The following ZC3H7B variants were observed in gnomAD, a reference collection of about 807,000 sequenced individuals.
ZC3H7B encodes zinc finger CCCH-type containing 7B.
Under a neutral mutation model 116.0 loss-of-function variants are expected in ZC3H7B, and 35 were observed. The ratio of observed to expected loss-of-function variants is 0.30; its 90% CI spans 0.23 to 0.40. The LOEUF is 0.40. Among genes scored for constraint, ZC3H7B ranks in the 10% least tolerant of loss-of-function variants. The pLI is 1.00. For missense variants in ZC3H7B, 1,011 were observed against 1,321.5 expected (o/e 0.77, Z 3.64); for synonymous variants, 502 against 545.6 (o/e 0.92, Z 1.11).
Position 41,343,552 on chromosome 22 carries a change from G to C in ZC3H7B, c.1435G>C (p.Val479Leu). The change falls in exon 13 of 23, where the codon GTG becomes CTG. Residue 479 changes from valine to leucine, a missense_variant. Around this residue, in one of 5 missense-constraint regions of ZC3H7B, gnomAD observed 179 missense variants for 178.5 expected, o/e 1.00. Coordinates refer to ENST00000352645, the MANE Select transcript of ZC3H7B (RefSeq NM_017590.6). The stretch of plus-strand genomic sequence containing the variant: ...GCCCCGGCCCACTAAGACCAGCTTC[G>C]TGGGCTCCTACTACCTGTGCAAAGG... The part of the protein sequence containing the change: ...IRPRPTKTSF[V>L]GSYYLCKDMI... 5 of 1,610,772 alleles carry C rather than the reference G, an allele frequency of 3.1e-6. No individual in the cohort carries two copies. The highest frequency in any genetic ancestry group is 4.2e-6 in the Non-Finnish European group (5 of 1,178,136).
rs1289682813 is a variant in ZC3H7B at position 41,356,030 on chromosome 22, G to A, written c.2351G>A (p.Arg784Lys). ...NCSFAHSPEE[R>K]DMWTFMKENK... ...TCCTTCGCACACAGCCCGGAGGAGA[G>A]GGACATGTGGACCTTCATGAAGGAG... is the stretch of plus-strand genomic sequence containing the variant. The change falls in exon 20 of 23, where the codon AGG becomes AAG. Residue 784 changes from arginine to lysine, a missense_variant. Transcript: ENST00000352645. 6.4e-7 allele frequency: 1 copy of A among 1,567,774 alleles called. No homozygotes were observed.
chr22:41,308,093 A>G (rs781256489), intron 1 of ZC3H7B, among the ~76,000 whole-genome samples: 5 of 152,154 alleles, frequency 3.3e-5, no homozygotes, highest in Middle Eastern at 3.2e-3. Context: ...TACCCAGTCC[A>G]CAATGTGACT....
rs781629611 is a variant in ZC3H7B at position 41,356,385 on chromosome 22, A to C, written c.2426A>C (p.His809Pro). ...QQTYDMWLKKHNPGKPGEGTP... is the reference protein window; with the variant it reads ...QQTYDMWLKKPNPGKPGEGTP... ...ACCTATGACATGTGGCTGAAAAAAC[A>C]CAACCCAGGAAAGCCTGGAGAAGGG... The change falls in exon 21 of 23, where the codon CAC becomes CCC. Residue 809 changes from histidine to proline, a missense_variant. Physicochemically the swap from His to Pro is moderately conservative, Grantham distance 77. This residue lies in a region of ZC3H7B where 406 missense variants were observed against 590.2 expected (regional missense o/e 0.69). Coordinates refer to ENST00000352645, the MANE Select transcript of ZC3H7B (RefSeq NM_017590.6). 6.2e-7 allele frequency: 1 copy of C among 1,614,148 alleles called. No homozygotes were observed. The highest frequency in any genetic ancestry group is 1.1e-5 in the South Asian group (1 of 91,076).
intron 7 of ZC3H7B, among the ~76,000 whole-genome samples, chr22:41,337,550 C>T (rs937430250): frequency 6.6e-6 from 1 of 152,200 alleles, no homozygotes; most frequent in Non-Finnish European, 1.5e-5. Context: ...TTATGCCCTT[C>T]TCTGCTTCCT....
intron 13 of ZC3H7B, among the ~76,000 whole-genome samples, chr22:41,344,173 C>T (rs565370545): frequency 6.6e-6 from 1 of 152,214 alleles, no homozygotes; most frequent in Non-Finnish European, 1.5e-5. Context: ...GTAGCCCTTT[C>T]ATTTCACCAG....
chr22:41,334,749 A>AAT (rs2036422514), intron 7 of ZC3H7B: 1 of 152,262 alleles, frequency 6.6e-6, no homozygotes, highest in Admixed American at 6.5e-5. Flanking sequence ...GACACAAGTA[A>AAT]ATGCAGGCTG....
chr22:41,346,241 GC>G lies in ZC3H7B; in HGVS notation c.1665+35del. Reference sequence around the variant, plus strand: ...CCACCCACCCACTGCCACCCCATAGGCCATGGCACAGACAGGGCTGGGGATG... The same window carrying G: ...CCACCCACCCACTGCCACCCCATAGGCATGGCACAGACAGGGCTGGGGATG... On this transcript the variant is annotated intron_variant, in intron 14 of 22. Coordinates refer to ENST00000352645, the MANE Select transcript of ZC3H7B (RefSeq NM_017590.6). The surrounding 1 kb of genome is among the most constrained non-coding windows in gnomAD (Gnocchi z 5.3). 1 of 1,600,690 alleles carries G rather than the reference GC, an allele frequency of 6.2e-7. No individual in the cohort carries two copies. Among genetic ancestry groups the G allele is most frequent in the Non-Finnish European group, 8.5e-7 (1 of 1,177,588 alleles).
chr22:41,310,939 G>T (rs538356251), intron 1 of ZC3H7B, among the ~76,000 whole-genome samples: 132 of 152,034 alleles, frequency 8.7e-4, no homozygotes, highest in African/African-American at 3.1e-3. Flanking sequence ...TAATTTTTTT[G>T]TGTTTTTAGT....
At chr22:41,355,694 A>T in intron 18 of ZC3H7B, 63 bp from the exon 19 acceptor site, 1 of 1,611,768 alleles carries the variant, frequency 6.2e-7, no homozygotes, top group South Asian at 1.1e-5. Context: ...AGGGCTCTCC[A>T]CAGAGGTCAC....
At position 41,327,792 on chromosome 22, in the gene ZC3H7B, G is replaced by C. The variant is rs887903498; in HGVS notation, c.444+428G>C. 6.6e-6 allele frequency among the ~76,000 whole-genome samples: 1 copy of C among 151,910 alleles called. No individual in the cohort carries two copies. The highest frequency in any genetic ancestry group is 2.4e-5 in the African/African-American group (1 of 41,314). On this transcript the variant is annotated intron_variant, in intron 5 of 22. Coordinates refer to ENST00000352645, the MANE Select transcript of ZC3H7B (RefSeq NM_017590.6). The surrounding 1 kb of genome is among the most constrained non-coding windows in gnomAD (Gnocchi z 4.5). ...ACAAAATTTAGCCGGGCATGATGGC[G>C]TGTGCCTGTTTTGCTAATTCTGTTT...
intron 22 of ZC3H7B, 99 bp downstream of exon 22, chr22:41,356,907 A>C: frequency 6.6e-7 from 1 of 1,503,862 alleles, no homozygotes; most frequent in Non-Finnish European, 9.0e-7. Flanking sequence ...GGTGGTGTGC[A>C]GGGAGTGGTG....
chr22:41,323,961 T>C (rs575594958), intron 2 of ZC3H7B, among the ~76,000 whole-genome samples: 1 of 152,046 alleles, frequency 6.6e-6, no homozygotes, highest in Non-Finnish European at 1.5e-5. Flanking sequence ...TCCCAGCTAC[T>C]CTGGAGGCTG....
At chr22:41,320,737 T>G in intron 2 of ZC3H7B, 24 bp downstream of exon 2, 1 of 1,536,586 alleles carries the variant, frequency 6.5e-7, no homozygotes, top group Non-Finnish European at 8.9e-7. Context: ...CGGCAGGGGC[T>G]GGACGGCTGG....
intron 17 of ZC3H7B, among the ~76,000 whole-genome samples, chr22:41,352,898 C>T (rs187826601): frequency 0.01 from 1,566 of 149,406 alleles, 15 homozygotes; most frequent in Non-Finnish European, 0.014. Flanking sequence ...GCAAACATGA[C>T]GAAACCCCGT....
intron 1 of ZC3H7B, among the ~76,000 whole-genome samples, chr22:41,309,136 C>T (rs1449524382): frequency 2.0e-5 from 3 of 150,654 alleles, no homozygotes; most frequent in Non-Finnish European, 3.0e-5. Context: ...CTCAGCCTCC[C>T]GTGTAGCTGG....
rs2036609185 is a variant in ZC3H7B at position 41,348,007 on chromosome 22, C to T, written c.1666-60C>T. ...CTTCCCCAGCTAGCTGTGTGGGGTC[C>T]CAGCTCACCCCCTTCCCAGGTGGCC... On this transcript the variant is annotated intron_variant, in intron 14 of 22. Transcript: ENST00000352645. 6 of 1,458,326 alleles carry T rather than the reference C, an allele frequency of 4.1e-6. No homozygotes were observed. In the Admixed American group the frequency reaches 5.0e-5, roughly 12 times the overall value. 90.3% of individuals were successfully genotyped at this position (1,458,326 alleles called of 1,614,324 possible).
intron 10 of ZC3H7B, among the ~76,000 whole-genome samples, chr22:41,340,471 C>T (rs1367939240): frequency 1.3e-5 from 2 of 152,012 alleles, no homozygotes; most frequent in African/African-American, 4.8e-5. Flanking sequence ...AGGCTGGGGG[C>T]GGAGCACAAG....
At position 41,331,919 on chromosome 22, in the gene ZC3H7B, A is replaced by G. The variant is rs181476770; in HGVS notation, c.526-252A>G. 2.4e-3 allele frequency among the ~76,000 whole-genome samples: 368 copies of G among 152,314 alleles called. 1 individual carries two copies. The highest frequency in any genetic ancestry group is 6.7e-3 in the Admixed American group (103 of 15,290). On this transcript the variant is annotated intron_variant, in intron 6 of 22. Coordinates refer to ENST00000352645, the MANE Select transcript of ZC3H7B (RefSeq NM_017590.6). ...TAGAATGTTTGAGATGGTGCCTAGC[A>G]TGGTGCCTGACACACAGTAGAGGTG...
chr22:41,336,406 A>C (rs972912081), intron 7 of ZC3H7B: 1 of 152,002 alleles, frequency 6.6e-6, no homozygotes, highest in Non-Finnish European at 1.5e-5. Context: ...GCTCACACCT[A>C]TAATCCCAGC....
Sources: gnomAD v4.1 joint callset for allele counts (sites outside exome capture counted in the v4.1 genomes callset) on GRCh38, gnomAD v4.1.1 for gene constraint, gnomAD v4.1.1 regional missense constraint, Gnocchi (gnomAD v3.1) non-coding constraint, MANE v1.5 for transcripts, NCBI Gene and HGNC (gene_info 2026-07-23, HGNC 2026-07-21) for gene names.